The following ARHGAP35 variants were observed in gnomAD, a reference collection of about 807,000 sequenced individuals.
The protein encoded by ARHGAP35 is Rho GTPase activating protein 35.
Under a neutral mutation model 111.1 loss-of-function variants are expected in ARHGAP35, and 15 were observed. The ratio of observed to expected loss-of-function variants is 0.13; its 90% confidence interval spans 0.09 to 0.21. The LOEUF is 0.21. Ranked by LOEUF, ARHGAP35 falls within the 10% of genes least tolerant of loss-of-function variation. The pLI is 1.00. For missense variants in ARHGAP35, 1,262 were observed against 1,873.0 expected (o/e 0.67, Z 6.02); for synonymous variants, 643 against 710.3 (o/e 0.91, Z 1.51).
chr19:46,960,883 A>G (rs1421003268), intron 3 of ARHGAP35, among the ~76,000 whole-genome samples: 1 of 142,152 alleles, frequency 7.0e-6, no homozygotes, highest in Non-Finnish European at 1.5e-5. Context: ...ACTGGAGAGT[A>G]TTTCTTTGGC....
intron 2 of ARHGAP35, among the ~76,000 whole-genome samples, chr19:46,928,044 T>C (rs186610353): frequency 1.7e-3 from 259 of 152,290 alleles, no homozygotes; most frequent in African/African-American, 5.9e-3. Context: ...CAGAGCCTAG[T>C]TGAGTAGAGG....
rs182756762 is a variant in ARHGAP35, at chr19:46,984,446, G to A, written c.3827-3543G>A. Among the ~76,000 whole-genome samples the A allele has an allele frequency of 2.1e-3, 325 of 152,322 alleles. 2 individuals carry two copies. The highest frequency in any genetic ancestry group is 7.5e-3 in the African/African-American group (311 of 41,566). On this transcript the variant is annotated intron_variant, in intron 3 of 6. Coordinates refer to ENST00000672722, the MANE Select transcript of ARHGAP35 (RefSeq NM_004491.5). ...GTCTCAGGCCTTTGGCAAGCTGCCC[G>A]TGCTCTTTCCAGCGTCCTGTTTCTC...
At chr19:46,928,950 T>G (rs929829311) in intron 2 of ARHGAP35, among the ~76,000 whole-genome samples, 2 of 151,566 alleles carry the variant, frequency 1.3e-5, no homozygotes, top group African/African-American at 4.8e-5. Context: ...AGCTATGGTC[T>G]GGATTTAGTT....
intron 3 of ARHGAP35, among the ~76,000 whole-genome samples, chr19:46,962,190 A>G (rs2056487345): frequency 6.6e-6 from 1 of 152,178 alleles, no homozygotes; most frequent in African/African-American, 2.4e-5. Context: ...TTATCTTTCA[A>G]TAAGAGTTTG....
chr19:46,937,181 C>T (rs2056314402), intron 2 of ARHGAP35, 83 bp from the exon 3 acceptor site: 11 of 1,508,944 alleles, frequency 7.3e-6, no homozygotes, highest in East Asian at 4.6e-5. Flanking sequence ...ACCACTGCTT[C>T]CCTTCTGGAA....
chr19:46,867,377 C>T (rs920592173), intron 1 of ARHGAP35, among the ~76,000 whole-genome samples: 2 of 152,186 alleles, frequency 1.3e-5, no homozygotes, highest in South Asian at 2.1e-4. Flanking sequence ...TCGTCCTGGC[C>T]ACTGTAGTAA....
rs1201560579 is a variant in ARHGAP35 at position 46,999,615 on chromosome 19, CCT to C, written c.4142+207_4142+208del. The C allele has an allele frequency of 5.2e-6, 3 of 575,920 alleles. No individual in the cohort carries two copies. In the East Asian group the frequency reaches 8.5e-5, roughly 16 times the overall value. 35.7% of individuals were successfully genotyped at this position (575,920 alleles called of 1,614,324 possible). A position where few individuals can be genotyped will look rare whatever the true frequency, so the allele number is the denominator to read the frequency against. On this transcript the variant is annotated intron_variant, in intron 6 of 6. Transcript: ENST00000672722. The surrounding 1 kb of genome is among the most constrained non-coding windows in gnomAD (Gnocchi z 5.4). Reference sequence around the variant, plus strand: ...CCCATCCTCAGGCCTCCCTCCTGCTCCTGTCTGAGGGCAGCCCACGTGGCCTC... The same window carrying C: ...CCCATCCTCAGGCCTCCCTCCTGCTCGTCTGAGGGCAGCCCACGTGGCCTC...
intron 1 of ARHGAP35, among the ~76,000 whole-genome samples, chr19:46,866,244 T>A (rs2055856116): frequency 6.6e-6 from 1 of 152,198 alleles, no homozygotes; most frequent in African/African-American, 2.4e-5. Flanking sequence ...TAGGTAAAAT[T>A]GAGATTCTTT....
chr19:46,879,917 A>G (rs921174969), intron 1 of ARHGAP35, among the ~76,000 whole-genome samples: 2 of 150,074 alleles, frequency 1.3e-5, no homozygotes, highest in African/African-American at 4.9e-5. Flanking sequence ...AAAACCCCAT[A>G]TCTACTAAGA....
Position 46,989,819 on chromosome 19 carries a change from C to A in ARHGAP35, c.4036+144C>A. ...GGCAAGGGAATTAACCAGATGACAG[C>A]AATGGGACTTGCAAATCGGGCTCCT... On this transcript the variant is annotated intron_variant, in intron 5 of 6. Coordinates refer to ENST00000672722, the MANE Select transcript of ARHGAP35 (RefSeq NM_004491.5). The surrounding 1 kb of genome is among the most constrained non-coding windows in gnomAD (Gnocchi z 5.3). The A allele has an allele frequency of 1.5e-6, 2 of 1,361,996 alleles. No homozygotes were observed. The highest frequency in any genetic ancestry group is 1.9e-5 in the Admixed American group (1 of 51,990). 84.4% of individuals were successfully genotyped at this position (1,361,996 alleles called of 1,614,324 possible).
At chr19:46,965,374 A>G (rs1054108319) in intron 3 of ARHGAP35, among the ~76,000 whole-genome samples, 2 of 152,202 alleles carry the variant, frequency 1.3e-5, no homozygotes, top group African/African-American at 4.8e-5. Context: ...TCTTGTTTTT[A>G]TACCAAAATC....
At position 46,867,867 on chromosome 19, in the gene ARHGAP35, T is replaced by A. The variant is rs184498659; in HGVS notation, c.-189+6658T>A. ...CATGCTCTCCTGGTCAGCCTTTTTTTAAATTTTTTCTTTTTTTGAGACAGA... is the reference window on the plus strand; with the variant it reads ...CATGCTCTCCTGGTCAGCCTTTTTTAAAATTTTTTCTTTTTTTGAGACAGA... On this transcript the variant is annotated intron_variant, in intron 1 of 6. Coordinates refer to ENST00000672722, the MANE Select transcript of ARHGAP35 (RefSeq NM_004491.5). 7.5e-3 allele frequency among the ~76,000 whole-genome samples: 1,137 copies of A among 152,286 alleles called. 8 individuals carry two copies. The highest frequency in any genetic ancestry group is 0.012 in the Non-Finnish European group (790 of 68,018).
At chr19:46,941,532 G>A (rs1265397555) in intron 3 of ARHGAP35, among the ~76,000 whole-genome samples, 1 of 150,842 alleles carries the variant, frequency 6.6e-6, no homozygotes, top group African/African-American at 2.4e-5. Context: ...TCATACCACT[G>A]CACTCCAGCC....
At chr19:46,961,970 AAG>A (rs1043043423) in intron 3 of ARHGAP35, among the ~76,000 whole-genome samples, 5 of 149,436 alleles carry the variant, frequency 3.3e-5, no homozygotes, top group African/African-American at 5.1e-5. Context: ...GAGAAAGAGA[AAG>A]AGAGAAAGGA....
At chr19:46,956,219 A>T (rs62136802) in intron 3 of ARHGAP35, among the ~76,000 whole-genome samples, 36,161 of 152,130 alleles carry the variant, frequency 0.24, 5,423 homozygotes, top group East Asian at 0.45. Flanking sequence ...TTGGGAGGCT[A>T]AGGTGAGAGA....
chr19:46,937,809 AC>A (rs2056318548), intron 3 of ARHGAP35, among the ~76,000 whole-genome samples: 1 of 152,188 alleles, frequency 6.6e-6, no homozygotes. Flanking sequence ...GATACATAAT[AC>A]ATTTTGGTTT....
At chr19:46,968,908 G>A (rs1004715006) in intron 3 of ARHGAP35, among the ~76,000 whole-genome samples, 2 of 152,160 alleles carry the variant, frequency 1.3e-5, no homozygotes, top group African/African-American at 4.8e-5. Context: ...CCAACATGAT[G>A]AAACCCTGTC....
At chr19:46,923,568 G>A (rs2056219405) in intron 2 of ARHGAP35, among the ~76,000 whole-genome samples, 1 of 151,680 alleles carries the variant, frequency 6.6e-6, no homozygotes, top group African/African-American at 2.4e-5. Flanking sequence ...TTTGGAGTAG[G>A]GAGAAATACT....
At chr19:46,894,941 A>C (rs1019372833) in intron 1 of ARHGAP35, among the ~76,000 whole-genome samples, 3 of 152,112 alleles carry the variant, frequency 2.0e-5, no homozygotes, top group Non-Finnish European at 4.4e-5. Flanking sequence ...CATAGTATTT[A>C]ACTTATCATC....
Sources: gnomAD v4.1 joint callset for allele counts (sites outside exome capture counted in the v4.1 genomes callset) on GRCh38, gnomAD v4.1.1 for gene constraint, Gnocchi (gnomAD v3.1) non-coding constraint, MANE v1.5 for transcripts, NCBI Gene and HGNC (gene_info 2026-07-23, HGNC 2026-07-21) for gene names.